Variants in MYO15B observed in about 807,000 individuals in gnomAD.
The protein encoded by MYO15B is myosin XVB.
Under a neutral mutation model 119.3 loss-of-function variants are expected in MYO15B, and 207 were observed. That is an observed-to-expected ratio of 1.73 (90% CI 1.55 to 1.95). The LOEUF (loss-of-function observed/expected upper bound fraction) is 1.95. Among genes scored for constraint, MYO15B ranks in the 30% most tolerant of loss-of-function variants. MYO15B has a pLI of 0.00. For missense variants in MYO15B, 2,264 were observed against 1,203.1 expected, an observed-to-expected ratio of 1.88 and a Z score of -13.04; for synonymous variants, 966 against 498.9, an observed-to-expected ratio of 1.94 and a Z score of -12.48.
chr17:75,593,613 CAGA>C (rs377724072), intron 9 of MYO15B, among the ~76,000 whole-genome samples: 5,331 of 142,928 alleles, frequency 0.037, 327 homozygotes, highest in African/African-American at 0.13. Context: ...GACTCCGTCT[CAGA>C]AAAAAAAAAA....
exon 3 of MYO15B, chr17:75,590,942 C>T: frequency 1.8e-6 from 1 of 545,048 alleles, no homozygotes; most frequent in Non-Finnish European, 3.3e-6. Context: ...TTCTGAACCC[C>T]CACCGGTCCT....
rs1370630193 is a variant in MYO15B, at chr17:75,619,750, C to T, written c.7252C>T (p.Gln2418Ter). The change falls in exon 46 of 64, where the codon CAA becomes TAA. Residue 2418 changes from glutamine to a stop codon, truncating the protein, a stop_gained. Transcript: ENST00000645453. LOFTEE classifies it high-confidence loss of function. ...TGGGCTGCGACTGCTCAAGGTGACC[C>T]AAGGCCCCGGCCTCCGCCCCGACCA... 1.4e-6 allele frequency: 1 copy of T among 702,902 alleles called. No individual in the cohort carries two copies. Among genetic ancestry groups the T allele is most frequent in the Admixed American group, 2.0e-5 (1 of 50,022 alleles). The allele number at this position is 702,902 out of a possible 1,614,324, so 43.5% of individuals were successfully genotyped here.
At position 75,625,594 on chromosome 17, in the gene MYO15B, C is replaced by G. The variant is rs564022563; in HGVS notation, c.8872C>G (p.Leu2958Val). 1.1e-3 allele frequency: 758 copies of G among 703,048 alleles called. 5 individuals are homozygous for G. The highest frequency in any genetic ancestry group is 7.1e-3 in the Middle Eastern group (31 of 4,366). The allele number at this position is 703,048 out of a possible 1,614,324, so 43.6% of individuals were successfully genotyped here. Residue 2958 changes from leucine (L) to valine (V), a missense_variant, in exon 61 of 64, where the codon CTG becomes GTG. Physicochemically the swap from Leu to Val is conservative, Grantham distance 32. Transcript: ENST00000645453. ...GGTGAACACGGCCTCCATCAAGAACCTGATGGGTCAGGAGCTGAGACGGCT... is the reference window on the plus strand; with the variant it reads ...GGTGAACACGGCCTCCATCAAGAACGTGATGGGTCAGGAGCTGAGACGGCT...
intron 9 of MYO15B, among the ~76,000 whole-genome samples, chr17:75,593,505 G>A (rs2056619934): frequency 6.6e-6 from 1 of 151,974 alleles, no homozygotes; most frequent in Non-Finnish European, 1.5e-5. Context: ...GCTACTTAGA[G>A]AAGCTGAGGC....
intron 19 of MYO15B, among the ~76,000 whole-genome samples, chr17:75,604,696 CT>C (rs1004633165): frequency 6.6e-6 from 1 of 151,824 alleles, no homozygotes; most frequent in African/African-American, 2.4e-5. Context: ...TGTTCTCCCC[CT>C]GAGCTCCAGC....
chr17:75,597,278 C>G (rs1400982282), intron 14 of MYO15B, among the ~76,000 whole-genome samples: 3 of 152,208 alleles, frequency 2.0e-5, no homozygotes, highest in Admixed American at 1.3e-4. Context: ...TCTGACTGGT[C>G]GGGGACAAAC....
At chr17:75,609,311 A>G (rs910464803) in intron 21 of MYO15B, among the ~76,000 whole-genome samples, 1 of 151,400 alleles carries the variant, frequency 6.6e-6, no homozygotes, top group Admixed American at 6.6e-5. Flanking sequence ...AGCTAGGACT[A>G]CAAGGACACG....
At position 75,616,150 on chromosome 17, in the gene MYO15B, G is replaced by A. The variant is rs1327469667; in HGVS notation, c.6109+3G>A. On this transcript the variant is annotated splice_donor_region_variant and intron_variant, in intron 37 of 63. Coordinates refer to ENST00000645453, the Ensembl canonical transcript of MYO15B. ...ACGGAACTATTTCCAGAGGATGGGT[G>A]AGGGCACTTGGGGTGGCAGGACCGT... 1 of 567,708 alleles carries A rather than the reference G, an allele frequency of 1.8e-6. No individual in the cohort carries two copies. Among genetic ancestry groups the A allele is most frequent in the Non-Finnish European group, 3.1e-6 (1 of 321,824 alleles). The allele number at this position is 567,708 out of a possible 1,614,324, so 35.2% of individuals were successfully genotyped here.
chr17:75,609,818 G>A (rs1568171081), intron 21 of MYO15B, among the ~76,000 whole-genome samples: 1 of 150,880 alleles, frequency 6.6e-6, no homozygotes. Flanking sequence ...TGATTCTGGT[G>A]CCTCAGCCTC....
chr17:75,591,545 C>G (rs2056450718), intron 4 of MYO15B, 56 bp from the exon 5 acceptor site: 1 of 701,164 alleles, frequency 1.4e-6, no homozygotes, highest in Non-Finnish European at 2.6e-6. Flanking sequence ...CCTGGGTTCA[C>G]TGGGGTGGTC....
intron 12 of MYO15B, among the ~76,000 whole-genome samples, chr17:75,595,884 C>T (rs912570009): frequency 2.6e-5 from 4 of 152,228 alleles, no homozygotes; most frequent in African/African-American, 9.6e-5. Context: ...GGAGGTGGCC[C>T]CTGCCCTCAG....
exon 48 of MYO15B, chr17:75,620,316 G>C: frequency 1.4e-6 from 1 of 702,990 alleles, no homozygotes; most frequent in Non-Finnish European, 2.6e-6. Flanking sequence ...TTCCACCGTG[G>C]GGACCTCATC....
chr17:75,622,449 G>C (rs2058763156), intron 53 of MYO15B, among the ~76,000 whole-genome samples: 1 of 152,164 alleles, frequency 6.6e-6, no homozygotes, highest in African/African-American at 2.4e-5. Context: ...TCACGCACCG[G>C]GACCAGCGTG....
exon 60 of MYO15B, chr17:75,625,172 A>C: frequency 1.4e-6 from 1 of 702,534 alleles, no homozygotes; most frequent in Non-Finnish European, 2.6e-6. Context: ...GCCAAGGCAG[A>C]CGCGCAGCTC....
At chr17:75,626,162 C>G in exon 63 of MYO15B, 1 of 703,062 alleles carries the variant, frequency 1.4e-6, no homozygotes, top group Non-Finnish European at 2.6e-6. Flanking sequence ...AGAAGGGGCC[C>G]CCTGGCCTGG....
chr17:75,589,913 G>T lies in MYO15B; in HGVS notation c.1856G>T (p.Gly619Val). The change falls in exon 1 of 64, where the codon GGC (glycine) becomes GTC (valine). Residue 619 changes from glycine to valine, a missense_variant. Gly to Val is a moderately radical substitution (Grantham distance 109). Coordinates refer to ENST00000645453, the Ensembl canonical transcript of MYO15B. This position sits in a 1 kb window ranked among gnomAD's most constrained non-coding sequence, Gnocchi z 4.2. ...GACGGGCCTTCCCTCGACGAGAGCG[G>T]CTCCAGCAGTGAGGCGGAGTTGGAG... 1 of 398,680 alleles carries T rather than the reference G, an allele frequency of 2.5e-6. No homozygotes were observed. The highest frequency in any genetic ancestry group is 4.4e-6 in the Non-Finnish European group (1 of 226,004). 24.7% of individuals were successfully genotyped at this position (398,680 alleles called of 1,614,324 possible). A position where few individuals can be genotyped will look rare whatever the true frequency, so the allele number is the denominator to read the frequency against.
exon 11 of MYO15B, chr17:75,594,724 G>C (rs140580829): frequency 1.4e-6 from 1 of 703,034 alleles, no homozygotes; most frequent in Non-Finnish European, 2.6e-6. Context: ...GCCAGGTCTC[G>C]CGATCCCTGC....
At chr17:75,611,977 C>T in exon 25 of MYO15B, 2 of 703,010 alleles carry the variant, frequency 2.8e-6, no homozygotes, top group African/African-American at 1.7e-5. Context: ...CAGACATTGA[C>T]CTGTTCCCTT....
chr17:75,623,160 G>A (rs1042559225), intron 53 of MYO15B, among the ~76,000 whole-genome samples: 2 of 151,520 alleles, frequency 1.3e-5, no homozygotes, highest in Admixed American at 6.6e-5. Flanking sequence ...GTGAAACCCC[G>A]TCTCTACTAA....
Sources: gnomAD v4.1 joint callset for allele counts (sites outside exome capture counted in the v4.1 genomes callset) on GRCh38, gnomAD v4.1.1 for gene constraint, Gnocchi (gnomAD v3.1) non-coding constraint, MANE v1.5 for transcripts, NCBI Gene and HGNC (gene_info 2026-07-23, HGNC 2026-07-21) for gene names.